The following CSMD1 variants were observed in gnomAD, a reference collection of about 807,000 sequenced individuals.
The protein encoded by CSMD1 is CUB and Sushi multiple domains 1, also known as CUB and sushi domain-containing protein 1.
A neutral mutation model predicts 417.5 loss-of-function variants in CSMD1; 213 were observed. The ratio of observed to expected loss-of-function variants is 0.51; its 90% CI spans 0.46 to 0.57. The LOEUF (loss-of-function observed/expected upper bound fraction) is 0.57, where lower values mean the gene tolerates loss of function less well. Among genes scored for constraint, CSMD1 ranks in the 20% least tolerant of loss-of-function variants. CSMD1 has a pLI of 0.00. For missense variants in CSMD1, 6,923 were observed against 4,529.7 expected (o/e 1.53, Z -15.17); for synonymous variants, 2,862 against 1,736.8 (o/e 1.65, Z -16.11).
At chr8:3,826,464 C>T (rs1231749021) in intron 5 of CSMD1, among the ~76,000 whole-genome samples, 2 of 152,200 alleles carry the variant, frequency 1.3e-5, no homozygotes, top group Non-Finnish European at 2.9e-5. Context: ...CCTACAGCAG[C>T]ACCTTTACAT....
At chr8:4,139,988 C>A (rs1803684027) in intron 3 of CSMD1, among the ~76,000 whole-genome samples, 1 of 150,588 alleles carries the variant, frequency 6.6e-6, no homozygotes, top group African/African-American at 2.5e-5. Context: ...GCAGGGGTTG[C>A]AGGTAGGAGG....
At chr8:3,306,219 G>A (rs1804833646) in intron 25 of CSMD1, among the ~76,000 whole-genome samples, 1 of 151,742 alleles carries the variant, frequency 6.6e-6, no homozygotes, top group Non-Finnish European at 1.5e-5. Context: ...AGCTTGATAG[G>A]GTGGCTTTTC....
At chr8:4,283,165 TGA>T (rs1439009531) in intron 3 of CSMD1, among the ~76,000 whole-genome samples, 1 of 152,216 alleles carries the variant, frequency 6.6e-6, no homozygotes, top group African/African-American at 2.4e-5. Flanking sequence ...GAAGGTACGT[TGA>T]GAGTCTTTTT....
chr8:4,705,437 C>T (rs1339815007), intron 1 of CSMD1, among the ~76,000 whole-genome samples: 1 of 152,174 alleles, frequency 6.6e-6, no homozygotes, highest in African/African-American at 2.4e-5. Flanking sequence ...CCCCAGTCGC[C>T]TGTCATTCAA....
intron 33 of CSMD1, among the ~76,000 whole-genome samples, chr8:3,197,317 T>C (rs181129195): frequency 6.6e-6 from 1 of 152,326 alleles, no homozygotes; most frequent in African/African-American, 2.4e-5. Flanking sequence ...GAACTGTGTC[T>C]GTTAACAAGG....
intron 1 of CSMD1, among the ~76,000 whole-genome samples, chr8:4,641,184 C>T (rs1259252360): frequency 6.6e-6 from 1 of 151,694 alleles, no homozygotes; most frequent in Non-Finnish European, 1.5e-5. Context: ...CAACATTGTG[C>T]ATACAGATGT....
chr8:3,226,581 C>CAA (rs35840582), intron 27 of CSMD1, among the ~76,000 whole-genome samples: 5,986 of 67,502 alleles, frequency 0.089, 210 homozygotes, highest in East Asian at 0.21. Flanking sequence ...GACTCTGTCT[C>CAA]AAAAAAAAAA....
chr8:3,026,410 C>CTGGGCCTGACTGGACCTCAG (rs1275608040), intron 51 of CSMD1, among the ~76,000 whole-genome samples: 1 of 151,816 alleles, frequency 6.6e-6, no homozygotes, highest in Non-Finnish European at 1.5e-5. Flanking sequence ...CTGGGCCTGA[C>CTGGGCCTGACTGGACCTCAG]TGGACCTCAC....
At chr8:4,790,211 G>C (rs759486103) in intron 1 of CSMD1, among the ~76,000 whole-genome samples, 18 of 152,058 alleles carry the variant, frequency 1.2e-4, no homozygotes, top group Non-Finnish European at 1.5e-4. Context: ...AGCCAAATCT[G>C]AGAGCACAAC....
chr8:4,688,214 T>G (rs1300181821), intron 1 of CSMD1, among the ~76,000 whole-genome samples: 1 of 152,158 alleles, frequency 6.6e-6, no homozygotes, highest in Non-Finnish European at 1.5e-5. Flanking sequence ...GTTTTAAATA[T>G]CAATCCTTAT....
At chr8:3,500,890 G>A (rs1012281362) in intron 10 of CSMD1, among the ~76,000 whole-genome samples, 6 of 152,112 alleles carry the variant, frequency 3.9e-5, no homozygotes, top group African/African-American at 1.4e-4. Context: ...TGGATGAAGA[G>A]AAGTAAGAAT....
intron 12 of CSMD1, among the ~76,000 whole-genome samples, chr8:3,412,474 G>T (rs73657846): frequency 0.099 from 15,112 of 152,060 alleles, 921 homozygotes; most frequent in East Asian, 0.25. Flanking sequence ...TTCAAGAGGA[G>T]AAACTTTACT....
At position 4,986,940 on chromosome 8, in the gene CSMD1, A is replaced by C. The variant is rs369547160; in HGVS notation, c.85+7392T>G. On this transcript the variant is annotated intron_variant, in intron 1 of 69. Coordinates refer to ENST00000635120, the MANE Select transcript of CSMD1 (RefSeq NM_033225.6). ...AGGTAGAGAGATGACAGATTGATAGACTCTACCTATCTATATTTAAAATAT... is the reference window on the plus strand; with the variant it reads ...AGGTAGAGAGATGACAGATTGATAGCCTCTACCTATCTATATTTAAAATAT... Among the ~76,000 whole-genome samples the C allele has an allele frequency of 7.9e-5, 12 of 152,154 alleles. 1 individual carries two copies. Among genetic ancestry groups the C allele is most frequent in the African/African-American group, 2.9e-4 (12 of 41,532 alleles).
At chr8:4,821,096 C>G (rs1222287626) in intron 1 of CSMD1, among the ~76,000 whole-genome samples, 1 of 151,972 alleles carries the variant, frequency 6.6e-6, no homozygotes, top group Admixed American at 6.6e-5. Flanking sequence ...AAAAAGATAC[C>G]AGATTGATAC....
intron 3 of CSMD1, among the ~76,000 whole-genome samples, chr8:4,169,380 C>T (rs561229432): frequency 4.3e-4 from 66 of 152,152 alleles, no homozygotes; most frequent in Non-Finnish European, 5.7e-4. Flanking sequence ...CTTCCTCAGG[C>T]CAAAAAACAT....
chr8:3,552,082 A>C (rs1585350945), intron 10 of CSMD1, among the ~76,000 whole-genome samples: 1 of 152,332 alleles, frequency 6.6e-6, no homozygotes, highest in East Asian at 1.9e-4. Context: ...ACAAATGGTA[A>C]AATTCTTTGA....
intron 52 of CSMD1, among the ~76,000 whole-genome samples, chr8:3,017,805 TTAAA>T (rs201235843): frequency 0.037 from 4,533 of 121,292 alleles, 89 homozygotes; most frequent in African/African-American, 0.05. Flanking sequence ...TTTGAGTGAT[TTAAA>T]AAAAAAAAAA....
intron 3 of CSMD1, among the ~76,000 whole-genome samples, chr8:4,380,948 T>C (rs1309797124): frequency 6.6e-6 from 1 of 152,136 alleles, no homozygotes; most frequent in African/African-American, 2.4e-5. Flanking sequence ...TGATAACCTG[T>C]GGTTATTGTT....
chr8:3,947,509 T>C (rs190568319), intron 5 of CSMD1, among the ~76,000 whole-genome samples: 1 of 152,212 alleles, frequency 6.6e-6, no homozygotes, highest in African/African-American at 2.4e-5. Context: ...TACTTCATAT[T>C]TGGAAATTAA....
Sources: gnomAD v4.1 joint callset for allele counts (sites outside exome capture counted in the v4.1 genomes callset) on GRCh38, gnomAD v4.1.1 for gene constraint, MANE v1.5 for transcripts, NCBI Gene and HGNC (gene_info 2026-07-23, HGNC 2026-07-21) for gene names.